Variants in ABL1 observed in about 807,000 individuals in gnomAD.
ABL1 encodes the protein tyrosine-protein kinase ABL1.
Under a neutral mutation model 94.7 loss-of-function variants are expected in ABL1, and 11 were observed. The observed-to-expected ratio is 0.12, with a 90% confidence interval of 0.07 to 0.19. ABL1 has a LOEUF of 0.19. Ranked by LOEUF, ABL1 falls within the 10% of genes least tolerant of loss-of-function variation. The pLI is 1.00. For synonymous variants in ABL1, 656 were observed against 622.4 expected, an observed-to-expected ratio of 1.05 and a Z score of -0.80; for missense variants, 1,082 against 1,489.4, an observed-to-expected ratio of 0.73 and a Z score of 4.50.
At chr9:130,738,321 G>A (rs1192770547) in intron 1 of ABL1, among the ~76,000 whole-genome samples, 2 of 152,144 alleles carry the variant, frequency 1.3e-5, no homozygotes, top group Non-Finnish European at 2.9e-5. Flanking sequence ...TGGGTTGCAT[G>A]CTTACTAAGT....
At chr9:130,769,807 C>A (rs1832230983) in intron 1 of ABL1, among the ~76,000 whole-genome samples, 2 of 152,084 alleles carry the variant, frequency 1.3e-5, no homozygotes, top group African/African-American at 2.4e-5. Flanking sequence ...GTTCTATCAC[C>A]CCCTAGAATT....
intron 1 of ABL1, among the ~76,000 whole-genome samples, chr9:130,783,237 TG>T (rs1221354049): frequency 2.6e-4 from 40 of 152,302 alleles, no homozygotes; most frequent in African/African-American, 9.4e-4. Context: ...CAGTGTTAAG[TG>T]TAACTCTCGT....
chr9:130,740,652 A>G (rs1831804767), intron 1 of ABL1, among the ~76,000 whole-genome samples: 1 of 151,954 alleles, frequency 6.6e-6, no homozygotes, highest in Non-Finnish European at 1.5e-5. Context: ...TGTGCTTATC[A>G]TTCTTTGTTT....
chr9:130,792,004 GACA>G (rs1459405458), intron 1 of ABL1, among the ~76,000 whole-genome samples: 4 of 152,128 alleles, frequency 2.6e-5, no homozygotes, highest in East Asian at 3.9e-4. Flanking sequence ...TAAAATTTAA[GACA>G]ACATTAAGTT....
Position 130,868,520 on chromosome 9 carries a change from CTTTTTTT to C in ABL1, c.823-3594_823-3588del, listed in dbSNP as rs71389371. On this transcript the variant is annotated intron_variant, in intron 4 of 10. Coordinates refer to ENST00000318560, the MANE Select transcript of ABL1 (RefSeq NM_005157.6). ...GCCAAGCCATTTCTTTTTTCTTTTT[CTTTTTTT>C]TTTTTTTTTTTTTTCAGACAGAGTT... 3.6e-4 allele frequency among the ~76,000 whole-genome samples: 40 copies of C among 112,108 alleles called. 1 individual carries two copies. Among genetic ancestry groups the C allele is most frequent in the East Asian group, 1.5e-3 (6 of 3,936 alleles). The allele number at this position is 112,108 out of a possible 152,430, so 73.5% of individuals were successfully genotyped here. A position where few individuals can be genotyped will look rare whatever the true frequency, so the allele number is the denominator to read the frequency against.
At chr9:130,793,907 G>A (rs1019895142) in intron 1 of ABL1, among the ~76,000 whole-genome samples, 3 of 152,114 alleles carry the variant, frequency 2.0e-5, no homozygotes, top group South Asian at 2.1e-4. Context: ...CAGTACATGC[G>A]ATGGATCCAG....
chr9:130,724,687 C>G, intron 1 of ABL1: 1 of 338,230 alleles, frequency 3.0e-6, no homozygotes, highest in Non-Finnish European at 5.9e-6. Flanking sequence ...CCTGTAATCC[C>G]AGCTACCTGG....
At chr9:130,859,059 GA>G (rs1831020100) in intron 3 of ABL1, among the ~76,000 whole-genome samples, 1 of 152,140 alleles carries the variant, frequency 6.6e-6, no homozygotes, top group African/African-American at 2.4e-5. Context: ...GGTACCCGGG[GA>G]TTTGACTGTC....
At chr9:130,760,316 A>G (rs2789761) in intron 1 of ABL1, among the ~76,000 whole-genome samples, 42,194 of 151,796 alleles carry the variant, frequency 0.28, 7,709 homozygotes, top group East Asian at 0.53. Context: ...GAGCTGGGAC[A>G]CTGTTGGCCA....
chr9:130,834,195 AACATGGC>A (rs1259232062), upstream of ABL1, among the ~76,000 whole-genome samples: 2 of 152,236 alleles, frequency 1.3e-5, no homozygotes, highest in African/African-American at 4.8e-5. Context: ...TAATGAAGGT[AACATGGC>A]ACATAGGAAG....
intron 1 of ABL1, among the ~76,000 whole-genome samples, chr9:130,766,400 G>A (rs911343645): frequency 1.3e-5 from 2 of 152,214 alleles, no homozygotes; most frequent in African/African-American, 4.8e-5. Context: ...AGTGAAGGGC[G>A]GCCCCACCAC....
At chr9:130,730,666 G>T (rs1236392854) in intron 1 of ABL1, among the ~76,000 whole-genome samples, 1 of 151,648 alleles carries the variant, frequency 6.6e-6, no homozygotes. Flanking sequence ...TGACCTCCTG[G>T]GCTCAAGCGG....
intron 1 of ABL1, among the ~76,000 whole-genome samples, chr9:130,752,914 G>A (rs944912689): frequency 4.0e-5 from 6 of 149,762 alleles, no homozygotes; most frequent in East Asian, 2.0e-4. Context: ...AGCCAAGATC[G>A]CGCCATTGCA....
At chr9:130,787,188 C>A (rs895714367) in intron 1 of ABL1, among the ~76,000 whole-genome samples, 1 of 152,134 alleles carries the variant, frequency 6.6e-6, no homozygotes, top group Non-Finnish European at 1.5e-5. Context: ...TGCTGTTGCT[C>A]TTTACTTGGA....
At chr9:130,714,569 A>G in intron 1 of ABL1, 1 of 1,382,410 alleles carries the variant, frequency 7.2e-7, no homozygotes, top group Non-Finnish European at 1.0e-6. Flanking sequence ...CACTTAATAA[A>G]TTTGTTACTG....
chr9:130,822,843 G>C (rs1830381154), intron 1 of ABL1, among the ~76,000 whole-genome samples: 1 of 151,738 alleles, frequency 6.6e-6, no homozygotes. Flanking sequence ...TGTCACCCAG[G>C]GTGGAGTACA....
At chr9:130,819,578 A>C (rs1361648724) in intron 1 of ABL1, among the ~76,000 whole-genome samples, 2 of 115,138 alleles carry the variant, frequency 1.7e-5, no homozygotes, top group African/African-American at 3.6e-5. Context: ...TCACTTTGTC[A>C]CCCAGGCCGG....
At chr9:130,722,164 G>T (rs561896657) in intron 1 of ABL1, among the ~76,000 whole-genome samples, 1 of 151,902 alleles carries the variant, frequency 6.6e-6, no homozygotes, top group Non-Finnish European at 1.5e-5. Context: ...AGGCTGAGGC[G>T]GGTGGATCAC....
upstream of ABL1, chr9:130,834,947 C>G (rs1163981562): frequency 8.8e-6 from 4 of 455,134 alleles, no homozygotes; most frequent in South Asian, 3.1e-5. Flanking sequence ...GTTGGAGACG[C>G]CCCAGGCCGC....
Sources: gnomAD v4.1 joint callset for allele counts (sites outside exome capture counted in the v4.1 genomes callset) on GRCh38, gnomAD v4.1.1 for gene constraint, MANE v1.5 for transcripts, NCBI Gene and HGNC (gene_info 2026-07-23, HGNC 2026-07-21) for gene names.